The following BMP5 variants were observed in gnomAD, a reference collection of about 807,000 sequenced individuals.
BMP5 encodes the protein bone morphogenetic protein 5.
BMP5 carries 23 observed loss-of-function variants against 46.6 expected under a neutral mutation model. That is an observed-to-expected ratio of 0.49 (90% CI 0.35 to 0.70). The LOEUF is 0.70. Ranked by LOEUF, BMP5 falls within the 30% of genes least tolerant of loss-of-function variation. The probability of loss-of-function intolerance (pLI) is 0.00; values close to 1 mark genes in which losing one functional copy is unlikely to be tolerated. For synonymous variants in BMP5, 204 were observed against 191.9 expected, an observed-to-expected ratio of 1.06 and a Z score of -0.52; for missense variants, 545 against 565.6, an observed-to-expected ratio of 0.96 and a Z score of 0.37.
chr6:55,871,398 G>A (rs1777785386), intron 1 of BMP5, among the ~76,000 whole-genome samples: 1 of 151,670 alleles, frequency 6.6e-6, no homozygotes, highest in Non-Finnish European at 1.5e-5. Context: ...TATGATCGAA[G>A]GAATATTTCT....
intron 3 of BMP5, among the ~76,000 whole-genome samples, chr6:55,782,819 T>C (rs1775356676): frequency 6.6e-6 from 1 of 152,120 alleles, no homozygotes; most frequent in Non-Finnish European, 1.5e-5. Flanking sequence ...ACCAGTTGAT[T>C]TGTATACATC....
In BMP5 at chr6:55,819,680, G is replaced by C; in HGVS notation, c.658C>G (p.Gln220Glu). ...ENETIKISIY[Q>E]IIKEYTNRDA... ...CTATTTGTGTATTCCTTGATGATTT[G>C]ATATATGCTAATCTTAATTGTTTCA... is the stretch of plus-strand genomic sequence containing the variant. The change falls in exon 2 of 7, where the codon CAA becomes GAA. Residue 220 changes from glutamine (Q) to glutamate (E), a missense_variant. Transcript: ENST00000370830. 2 of 1,612,838 alleles carry C rather than the reference G, an allele frequency of 1.2e-6. No individual in the cohort carries two copies. The highest frequency in any genetic ancestry group is 1.7e-6 in the Non-Finnish European group (2 of 1,179,074).
chr6:55,774,372 C>T, intron 3 of BMP5, 129 bp from the exon 4 acceptor site: 1 of 811,466 alleles, frequency 1.2e-6, no homozygotes, highest in Non-Finnish European at 2.0e-6. Context: ...TCCTTACAGG[C>T]CAAGATTCTT....
At chr6:55,763,902 AGTTT>A (rs1774845679) in intron 4 of BMP5, among the ~76,000 whole-genome samples, 1 of 152,166 alleles carries the variant, frequency 6.6e-6, no homozygotes, top group Admixed American at 6.5e-5. Flanking sequence ...GATTTTCTTT[AGTTT>A]GATTCTTTTT....
chr6:55,778,141 T>C (rs1775222569), intron 3 of BMP5, among the ~76,000 whole-genome samples: 1 of 152,028 alleles, frequency 6.6e-6, no homozygotes. Context: ...ATGCCAGTAA[T>C]GGGATAAAGT....
chr6:55,870,201 GA>G (rs554039115), intron 1 of BMP5, among the ~76,000 whole-genome samples: 6,598 of 110,588 alleles, frequency 0.06, 299 homozygotes, highest in African/African-American at 0.14. Context: ...ACTACAATTT[GA>G]AAAAAAAAAA....
chr6:55,846,577 T>C (rs1777102261), intron 1 of BMP5, among the ~76,000 whole-genome samples: 1 of 151,966 alleles, frequency 6.6e-6, no homozygotes, highest in Non-Finnish European at 1.5e-5. Flanking sequence ...CTTGCACTCA[T>C]ATTCACACAC....
At chr6:55,871,353 T>C (rs921853921) in intron 1 of BMP5, among the ~76,000 whole-genome samples, 2 of 151,886 alleles carry the variant, frequency 1.3e-5, no homozygotes, top group African/African-American at 4.8e-5. Context: ...AATTTAATAC[T>C]ATGAGACTGA....
In BMP5 at chr6:55,760,438, G is replaced by A; in HGVS notation, c.1104+19C>T. ...GATAATTCAGAAAAGAAGCACCAAA[G>A]TTGACTGAAAATTCCTACCTGCCAT... On this transcript the variant is annotated intron_variant, in intron 5 of 6. Transcript: ENST00000370830. 8.7e-6 allele frequency: 14 copies of A among 1,609,286 alleles called. No homozygotes were observed. Among genetic ancestry groups the A allele is most frequent in the Non-Finnish European group, 1.1e-5 (13 of 1,175,968 alleles).
Position 55,754,283 on chromosome 6 carries a change from ATAAAT to A in BMP5, c.*1245_*1249del, listed in dbSNP as rs1452206092. ...GAGGGCATTCTAATAGATAGAGAAA[ATAAAT>A]TAATTTTAGAGGGAAGAACACACAT... On this transcript the variant is annotated 3_prime_UTR_variant, in exon 7 of 7. Coordinates refer to ENST00000370830, the MANE Select transcript of BMP5 (RefSeq NM_021073.4). 6.7e-6 allele frequency: 1 copy of A among 150,112 alleles called. No homozygotes were observed. Among genetic ancestry groups the A allele is most frequent in the East Asian group, 2.0e-4 (1 of 5,036 alleles). 9.3% of individuals were successfully genotyped at this position (150,112 alleles called of 1,614,324 possible). A position where few individuals can be genotyped will look rare whatever the true frequency, so the allele number is the denominator to read the frequency against.
chr6:55,770,867 AAC>A (rs1396421464), intron 4 of BMP5, among the ~76,000 whole-genome samples: 1 of 151,962 alleles, frequency 6.6e-6, no homozygotes. Context: ...GAGCAATCAG[AAC>A]ACACACAACA....
In BMP5 at chr6:55,760,439, T is replaced by A. The variant is rs764354971; in HGVS notation, c.1104+18A>T. ...ATAATTCAGAAAAGAAGCACCAAAGTTGACTGAAAATTCCTACCTGCCATC... is the reference window on the plus strand; with the variant it reads ...ATAATTCAGAAAAGAAGCACCAAAGATGACTGAAAATTCCTACCTGCCATC... On this transcript the variant is annotated intron_variant, in intron 5 of 6. Coordinates refer to ENST00000370830, the MANE Select transcript of BMP5 (RefSeq NM_021073.4). 1 of 1,609,858 alleles carries A rather than the reference T, an allele frequency of 6.2e-7. No individual in the cohort carries two copies. Among genetic ancestry groups the A allele is most frequent in the South Asian group, 1.1e-5 (1 of 90,986 alleles).
chr6:55,799,698 A>G (rs1356146714), intron 2 of BMP5, among the ~76,000 whole-genome samples: 4 of 152,106 alleles, frequency 2.6e-5, no homozygotes, highest in Non-Finnish European at 4.4e-5. Context: ...TCATACTTCA[A>G]TTGTCCTACA....
chr6:55,869,298 T>C (rs1000168494), intron 1 of BMP5, among the ~76,000 whole-genome samples: 1 of 152,144 alleles, frequency 6.6e-6, no homozygotes, highest in Non-Finnish European at 1.5e-5. Flanking sequence ...ACTGAGGATT[T>C]CCCAGCATCT....
intron 1 of BMP5, among the ~76,000 whole-genome samples, chr6:55,838,170 G>T (rs1776867224): frequency 6.6e-6 from 1 of 152,178 alleles, no homozygotes; most frequent in Non-Finnish European, 1.5e-5. Context: ...CAGTGGGATT[G>T]CCAAATCATT....
chr6:55,763,783 T>C (rs1774841674), intron 4 of BMP5, among the ~76,000 whole-genome samples: 1 of 152,198 alleles, frequency 6.6e-6, no homozygotes, highest in South Asian at 2.1e-4. Flanking sequence ...CTCTTAATAG[T>C]AATAATATTA....
intron 1 of BMP5, among the ~76,000 whole-genome samples, chr6:55,871,617 C>G (rs921785575): frequency 3.3e-5 from 5 of 151,730 alleles, no homozygotes; most frequent in Admixed American, 3.3e-4. Flanking sequence ...AGTAGGTATT[C>G]TGTTAAACAT....
chr6:55,760,485 T>C lies in BMP5; in HGVS notation c.1076A>G (p.Tyr359Cys), dbSNP rs1233377450. The C allele has an allele frequency of 6.2e-7, 1 of 1,613,078 alleles. No individual in the cohort carries two copies. The highest frequency in any genetic ancestry group is 1.7e-5 in the Admixed American group (1 of 59,924). The change falls in exon 5 of 7, where the codon TAT becomes TGT. Residue 359 changes from tyrosine to cysteine, a missense_variant. Tyr to Cys is a radical substitution (Grantham distance 194). Transcript: ENST00000370830. ...CCATCCCAGATCCCGGAAGCTCACA[T>C]AGAGTTCGTGCTTCTTACAGGCTTG... is the stretch of plus-strand genomic sequence containing the variant. ...QKQACKKHEL[Y>C]VSFRDLGWQD...
chr6:55,776,509 T>G (rs1415467056), intron 3 of BMP5, among the ~76,000 whole-genome samples: 1 of 150,886 alleles, frequency 6.6e-6, no homozygotes, highest in East Asian at 1.9e-4. Context: ...AGCAATCTGT[T>G]CTTTAAATTT....
Sources: allele counts gnomAD v4.1 joint callset (sites outside exome capture counted in the v4.1 genomes callset), GRCh38; gene constraint gnomAD v4.1.1; transcripts MANE v1.5; gene names NCBI Gene and HGNC (gene_info 2026-07-23, HGNC 2026-07-21).